OSBPL10: variants seen among roughly 807,000 people sequenced by gnomAD.
OSBPL10 encodes oxysterol-binding protein-related protein 10.
Under a neutral mutation model 81.7 loss-of-function variants are expected in OSBPL10, and 49 were observed. The ratio of observed to expected loss-of-function variants is 0.60; its 90% CI spans 0.48 to 0.76. The LOEUF (loss-of-function observed/expected upper bound fraction) is 0.76, where lower values mean the gene tolerates loss of function less well. Ranked by LOEUF, OSBPL10 falls within the 30% of genes least tolerant of loss-of-function variation. OSBPL10 has a pLI of 0.00. For synonymous variants in OSBPL10, 419 were observed against 383.6 expected (o/e 1.09, Z -1.08); for missense variants, 923 against 987.8 (o/e 0.93, Z 0.88).
At chr3:31,715,728 T>G (rs140731770) in intron 6 of OSBPL10, among the ~76,000 whole-genome samples, 39 of 152,344 alleles carry the variant, frequency 2.6e-4, no homozygotes, top group African/African-American at 8.4e-4. Flanking sequence ...TTTGCTTCTG[T>G]CATAAGCACT....
At chr3:31,837,324 TATATATA>T (rs1700379801) in intron 3 of OSBPL10, among the ~76,000 whole-genome samples, 3 of 3,344 alleles carry the variant, frequency 9.0e-4, no homozygotes, top group African/African-American at 1.9e-3. Context: ...CCCCAAATTA[TATATATA>T]TATATATATA....
intron 4 of OSBPL10, among the ~76,000 whole-genome samples, chr3:31,776,848 C>G (rs967079260): frequency 6.6e-6 from 1 of 151,960 alleles, no homozygotes; most frequent in Admixed American, 6.6e-5. Context: ...GATGAAAATG[C>G]TTTGGAACTA....
At chr3:31,912,389 T>G (rs1696606619) in intron 1 of OSBPL10, among the ~76,000 whole-genome samples, 1 of 108,898 alleles carries the variant, frequency 9.2e-6, no homozygotes. Flanking sequence ...GGCGAGACTC[T>G]GTCTCGGAAA....
chr3:31,908,043 A>G (rs1284340961), intron 1 of OSBPL10, among the ~76,000 whole-genome samples: 1 of 152,026 alleles, frequency 6.6e-6, no homozygotes, highest in Non-Finnish European at 1.5e-5. Context: ...AAAGACTGGA[A>G]GGAAGAGGGT....
chr3:31,824,055 G>A (rs2125513780), intron 4 of OSBPL10, among the ~76,000 whole-genome samples: 1 of 152,202 alleles, frequency 6.6e-6, no homozygotes, highest in East Asian at 1.9e-4. Flanking sequence ...GTTTCATTAA[G>A]ACAATGATTG....
chr3:31,898,951 CTTTTTTTTTTTTTTTT>C (rs201574850), intron 1 of OSBPL10, among the ~76,000 whole-genome samples: 22 of 87,364 alleles, frequency 2.5e-4, no homozygotes, highest in Admixed American at 3.1e-4. Context: ...AACTTTAAAC[CTTTTTTTTTTTTTTTT>C]TTTTTTTTTT....
intron 3 of OSBPL10, among the ~76,000 whole-genome samples, chr3:31,833,699 G>GCGCACA (rs1491089861): frequency 1.7e-5 from 2 of 118,830 alleles, no homozygotes; most frequent in Admixed American, 1.6e-4. Context: ...ACACGCACAC[G>GCGCACA]CACACGCACA....
intron 1 of OSBPL10, among the ~76,000 whole-genome samples, chr3:31,942,290 G>A (rs373858098): frequency 1.3e-5 from 2 of 151,662 alleles, no homozygotes; most frequent in Admixed American, 6.6e-5. Context: ...AGTGGCTCAC[G>A]TCTGTAATCC....
intron 1 of OSBPL10, among the ~76,000 whole-genome samples, chr3:31,909,640 C>T (rs1182184138): frequency 6.6e-6 from 1 of 152,120 alleles, no homozygotes; most frequent in Non-Finnish European, 1.5e-5. Context: ...GCCACTTGGA[C>T]ACCCCAACGA....
intron 4 of OSBPL10, among the ~76,000 whole-genome samples, chr3:31,818,269 C>A (rs1378842175): frequency 6.6e-6 from 1 of 152,136 alleles, no homozygotes; most frequent in African/African-American, 2.4e-5. Context: ...AAAAGACTGA[C>A]CTCCTCTTGA....
intron 4 of OSBPL10, among the ~76,000 whole-genome samples, chr3:31,803,380 A>G (rs1180348555): frequency 6.6e-6 from 1 of 152,220 alleles, no homozygotes; most frequent in Admixed American, 6.5e-5. Flanking sequence ...ACCTTCTCAC[A>G]TGCTTCAAAG....
Position 31,829,949 on chromosome 3 carries a change from A to G in OSBPL10, c.729+91T>C, listed in dbSNP as rs544676654. The G allele has an allele frequency of 2.3e-6, 3 of 1,307,810 alleles. No homozygotes were observed. The East Asian group carries it at 7.6e-5, about 33-fold the overall frequency. 81.0% of individuals were successfully genotyped at this position (1,307,810 alleles called of 1,614,324 possible). On this transcript the variant is annotated intron_variant, in intron 4 of 11. Coordinates refer to ENST00000396556, the MANE Select transcript of OSBPL10 (RefSeq NM_017784.5). ...CTGCTGGTCCTCTCTCCATAAATCAAGACGGCGCAAAGGAAGAGGAGTCGG... is the reference window on the plus strand; with the variant it reads ...CTGCTGGTCCTCTCTCCATAAATCAGGACGGCGCAAAGGAAGAGGAGTCGG...
chr3:31,988,736 G>A (rs1457645327), intron 2 of OSBPL10: 3 of 297,912 alleles, frequency 1.0e-5, no homozygotes, highest in Non-Finnish European at 1.9e-5. Flanking sequence ...GAGGCATGAA[G>A]GTGTGCCAGC....
At chr3:31,689,570 G>C (rs890743212) in intron 7 of OSBPL10, among the ~76,000 whole-genome samples, 1 of 152,066 alleles carries the variant, frequency 6.6e-6, no homozygotes, top group African/African-American at 2.4e-5. Flanking sequence ...TTCATCTTGA[G>C]TTGTAACTCC....
At chr3:31,914,845 T>C (rs1412890803) in intron 1 of OSBPL10, among the ~76,000 whole-genome samples, 1 of 152,230 alleles carries the variant, frequency 6.6e-6, no homozygotes, top group South Asian at 2.1e-4. Context: ...GGCTACCATA[T>C]TGGACAACAT....
intron 2 of OSBPL10, among the ~76,000 whole-genome samples, chr3:32,017,631 G>T (rs549848740): frequency 1.6e-4 from 25 of 152,220 alleles, no homozygotes; most frequent in African/African-American, 6.0e-4. Context: ...ACAAAGCCCC[G>T]GAAAGTACAC....
chr3:32,012,587 T>A (rs1699272209), intron 2 of OSBPL10, among the ~76,000 whole-genome samples: 1 of 152,164 alleles, frequency 6.6e-6, no homozygotes, highest in African/African-American at 2.4e-5. Context: ...AATTCACACA[T>A]AACAATGTTA....
At chr3:31,839,035 T>C (rs540879606) in intron 3 of OSBPL10, among the ~76,000 whole-genome samples, 59 of 152,222 alleles carry the variant, frequency 3.9e-4, no homozygotes, top group Admixed American at 1.2e-3. Flanking sequence ...TAACCAGCCA[T>C]GGTGTATTCT....
rs1006380487 is a variant in OSBPL10 at position 31,949,698 on chromosome 3, A to G, written c.281+31201T>C. ...AAAAAAAAAAAAAAAAAAAAAAAAAAAAGGATACTGGGTTCCTACCTCACA... is the reference window on the plus strand; with the variant it reads ...AAAAAAAAAAAAAAAAAAAAAAAAAGAAGGATACTGGGTTCCTACCTCACA... On this transcript the variant is annotated intron_variant, in intron 1 of 11. Transcript: ENST00000396556. 1.7e-3 allele frequency among the ~76,000 whole-genome samples: 237 copies of G among 139,964 alleles called. 1 individual carries two copies. The highest frequency in any genetic ancestry group is 2.0e-3 in the Non-Finnish European group (130 of 63,980). The allele number at this position is 139,964 out of a possible 152,430, so 91.8% of individuals were successfully genotyped here.
Sources: allele counts gnomAD v4.1 joint callset (sites outside exome capture counted in the v4.1 genomes callset), GRCh38; gene constraint gnomAD v4.1.1; transcripts MANE v1.5; gene names NCBI Gene and HGNC (gene_info 2026-07-23, HGNC 2026-07-21).